Variants in SEMA3C observed in about 807,000 individuals in gnomAD.
The protein encoded by SEMA3C is semaphorin-3C.
In SEMA3C, 47 loss-of-function variants were observed where a neutral mutation model predicts 89.4. That is an observed-to-expected ratio of 0.53 (90% CI 0.42 to 0.67). SEMA3C has a LOEUF of 0.67. SEMA3C is among the 30% of genes least tolerant of loss of function. The pLI is 0.00. For synonymous variants in SEMA3C, 310 were observed against 320.2 expected (o/e 0.97, Z 0.34); for missense variants, 839 against 929.1 (o/e 0.90, Z 1.26).
At chr7:80,776,586 T>C (rs1015414739) in intron 12 of SEMA3C, among the ~76,000 whole-genome samples, 1 of 152,232 alleles carries the variant, frequency 6.6e-6, no homozygotes, top group Non-Finnish European at 1.5e-5. Flanking sequence ...CTTCACCTGT[T>C]ACATAAATTA....
intron 2 of SEMA3C, among the ~76,000 whole-genome samples, chr7:80,912,871 A>C (rs1409311590): frequency 6.6e-6 from 1 of 152,228 alleles, no homozygotes; most frequent in Non-Finnish European, 1.5e-5. Flanking sequence ...ATGCTACCAG[A>C]GCTCATAAAG....
intron 6 of SEMA3C, among the ~76,000 whole-genome samples, chr7:80,806,222 A>G (rs548137652): frequency 6.6e-6 from 1 of 152,242 alleles, no homozygotes; most frequent in South Asian, 2.1e-4. Flanking sequence ...GCTATTGAAC[A>G]TCTAGAGTCT....
At chr7:80,745,352 T>A (rs1371622290) in intron 17 of SEMA3C, 45 bp from the exon 18 acceptor site, 1 of 1,550,956 alleles carries the variant, frequency 6.4e-7, no homozygotes, top group East Asian at 2.3e-5. Context: ...AACATTATAT[T>A]TCCTTAGATT....
chr7:80,819,952 T>TA (rs1789703983), intron 4 of SEMA3C, among the ~76,000 whole-genome samples: 1 of 151,806 alleles, frequency 6.6e-6, no homozygotes, highest in African/African-American at 2.4e-5. Context: ...AGCATTTTTA[T>TA]AAAAAACTAT....
chr7:80,818,939 A>G (rs1789678701), intron 4 of SEMA3C, among the ~76,000 whole-genome samples: 1 of 152,322 alleles, frequency 6.6e-6, no homozygotes, highest in African/African-American at 2.4e-5. Flanking sequence ...CAGTCAACAA[A>G]CATTTACTGA....
At chr7:80,817,727 T>A (rs1248051105) in intron 5 of SEMA3C, among the ~76,000 whole-genome samples, 1 of 152,148 alleles carries the variant, frequency 6.6e-6, no homozygotes, top group Non-Finnish European at 1.5e-5. Flanking sequence ...TGTAGGATGA[T>A]GTTGGTCTAA....
In SEMA3C at chr7:80,805,674, A is replaced by ATT; in HGVS notation, c.622_623insAA (p.Val208GlufsTer12). 1.2e-6 allele frequency: 2 copies of ATT among 1,611,918 alleles called. No homozygotes were observed. Among genetic ancestry groups the ATT allele is most frequent in the Non-Finnish European group, 1.7e-6 (2 of 1,178,666 alleles). The stretch of plus-strand genomic sequence containing the variant: ...TTTGGAATTATGTTGATCAGTTCTG[A>ATT]CCGCATTCCTCTTGGTTAAACTTCG... On this transcript the variant is annotated frameshift_variant, in exon 7 of 18. Transcript: ENST00000265361. LOFTEE classifies it high-confidence loss of function.
chr7:80,805,847 G>GT, intron 6 of SEMA3C, 89 bp from the exon 7 acceptor site: 1 of 785,034 alleles, frequency 1.3e-6, no homozygotes, highest in Non-Finnish European at 2.0e-6. Flanking sequence ...ATCACCACAG[G>GT]TATTACAGTG....
At chr7:80,857,943 T>C (rs899625912) in intron 2 of SEMA3C, among the ~76,000 whole-genome samples, 3 of 152,150 alleles carry the variant, frequency 2.0e-5, no homozygotes, top group South Asian at 2.1e-4. Flanking sequence ...TCTATGTTCA[T>C]AAAGTGGAAA....
rs572706790 is a variant in SEMA3C at position 80,742,834 on chromosome 7, A to G, written c.*2060T>C. ...TACATTAACAGCATTTTTGAAAAAA[A>G]ATTTTCTTTTACATTCAGCAGAGTT... On this transcript the variant is annotated 3_prime_UTR_variant, in exon 18 of 18. Coordinates refer to ENST00000265361, the MANE Select transcript of SEMA3C (RefSeq NM_006379.5). 7 of 152,120 alleles carry G rather than the reference A, an allele frequency of 4.6e-5. No individual in the cohort carries two copies. Among genetic ancestry groups the G allele is most frequent in the Non-Finnish European group, 7.4e-5 (5 of 67,858 alleles). The allele number at this position is 152,120 out of a possible 1,614,324, so 9.4% of individuals were successfully genotyped here. A position where few individuals can be genotyped will look rare whatever the true frequency, so the allele number is the denominator to read the frequency against.
intron 12 of SEMA3C, among the ~76,000 whole-genome samples, chr7:80,783,284 T>C (rs1307314202): frequency 1.3e-5 from 2 of 152,150 alleles, no homozygotes; most frequent in Non-Finnish European, 2.9e-5. Context: ...TCTCTTCACA[T>C]ACCTCTCTTT....
chr7:80,861,891 A>T (rs939582676), intron 2 of SEMA3C, among the ~76,000 whole-genome samples: 2 of 152,200 alleles, frequency 1.3e-5, no homozygotes, highest in Non-Finnish European at 2.9e-5. Flanking sequence ...AAAATCCAGC[A>T]TCCCTTTATG....
chr7:80,774,981 T>A (rs1041614226), intron 12 of SEMA3C, among the ~76,000 whole-genome samples: 1 of 151,768 alleles, frequency 6.6e-6, no homozygotes, highest in African/African-American at 2.4e-5. Context: ...AAAAATACAT[T>A]GTCATGGGAA....
At chr7:80,770,603 CT>C (rs1158292319) in intron 12 of SEMA3C, among the ~76,000 whole-genome samples, 1 of 152,232 alleles carries the variant, frequency 6.6e-6, no homozygotes, top group Non-Finnish European at 1.5e-5. Context: ...AATCACTTCC[CT>C]TCTTTTGGCA....
At chr7:80,805,024 C>T (rs1030255094) in intron 7 of SEMA3C, among the ~76,000 whole-genome samples, 3 of 151,946 alleles carry the variant, frequency 2.0e-5, no homozygotes, top group East Asian at 1.9e-4. Context: ...TGGAATAATA[C>T]GGTAAACCAA....
At chr7:80,837,062 C>T (rs569958326) in intron 2 of SEMA3C, among the ~76,000 whole-genome samples, 6 of 152,190 alleles carry the variant, frequency 3.9e-5, no homozygotes, top group South Asian at 2.1e-4. Context: ...TTTTCATAAA[C>T]GCACTGTTTG....
chr7:80,916,060 A>G (rs1299220952), intron 2 of SEMA3C, among the ~76,000 whole-genome samples: 1 of 152,196 alleles, frequency 6.6e-6, no homozygotes, highest in Admixed American at 6.5e-5. Flanking sequence ...CCTTTTATGT[A>G]TGTGAAAATC....
intron 2 of SEMA3C, among the ~76,000 whole-genome samples, chr7:80,863,922 A>C (rs1052013168): frequency 2.5e-5 from 3 of 120,624 alleles, no homozygotes; most frequent in Non-Finnish European, 4.9e-5. Flanking sequence ...TCACATATAT[A>C]TCATATATAT....
chr7:80,828,086 C>A (rs1462221605), intron 3 of SEMA3C, among the ~76,000 whole-genome samples: 3 of 152,066 alleles, frequency 2.0e-5, no homozygotes, highest in Non-Finnish European at 4.4e-5. Context: ...TCTGCAAATG[C>A]AGAAGTCTCC....
Sources: allele counts gnomAD v4.1 joint callset (sites outside exome capture counted in the v4.1 genomes callset), GRCh38; gene constraint gnomAD v4.1.1; transcripts MANE v1.5; gene names NCBI Gene and HGNC (gene_info 2026-07-23, HGNC 2026-07-21).